Variants in PTPRD observed in about 807,000 individuals in gnomAD.
PTPRD encodes the protein protein tyrosine phosphatase receptor type D, also known as receptor-type tyrosine-protein phosphatase delta.
In PTPRD, 34 loss-of-function variants were observed where a neutral mutation model predicts 214.5. That is an observed-to-expected ratio of 0.16 (90% CI 0.12 to 0.21). PTPRD has a LOEUF of 0.21. PTPRD is among the 10% of genes least tolerant of loss of function. The pLI, the probability that PTPRD is intolerant of heterozygous loss-of-function variation, is 1.00. For synonymous variants in PTPRD, 1,128 were observed against 845.7 expected, an observed-to-expected ratio of 1.33 and a Z score of -5.79; for missense variants, 2,545 against 2,398.7, an observed-to-expected ratio of 1.06 and a Z score of -1.27.
At chr9:8,684,890 G>T (rs1301617392) in intron 12 of PTPRD, among the ~76,000 whole-genome samples, 1 of 152,056 alleles carries the variant, frequency 6.6e-6, no homozygotes, top group East Asian at 1.9e-4. Context: ...ATATGCATGT[G>T]CTCAAACAAT....
At chr9:8,328,345 C>T (rs1836143199) in intron 44 of PTPRD, among the ~76,000 whole-genome samples, 1 of 152,024 alleles carries the variant, frequency 6.6e-6, no homozygotes, top group Non-Finnish European at 1.5e-5. Context: ...GAATATTGGC[C>T]CCACTGTCTT....
At chr9:10,483,792 T>C (rs1009392887) in intron 2 of PTPRD, among the ~76,000 whole-genome samples, 5 of 152,142 alleles carry the variant, frequency 3.3e-5, no homozygotes, top group Non-Finnish European at 7.4e-5. Flanking sequence ...TTGGCACGGA[T>C]GTGGTGCAAA....
chr9:10,391,492 AGTTCCTGTCT>A (rs1479834787), intron 2 of PTPRD, among the ~76,000 whole-genome samples: 2 of 151,778 alleles, frequency 1.3e-5, no homozygotes, highest in Admixed American at 1.3e-4. Context: ...GTACTAGGGC[AGTTCCTGTCT>A]GTTAGAAGCT....
intron 11 of PTPRD, among the ~76,000 whole-genome samples, chr9:8,806,897 T>G (rs1195446282): frequency 6.6e-6 from 1 of 152,212 alleles, no homozygotes; most frequent in African/African-American, 2.4e-5. Context: ...CTGATATAAC[T>G]TATTTGATGG....
intron 5 of PTPRD, among the ~76,000 whole-genome samples, chr9:9,814,486 CTAACAAT>C (rs1360100467): frequency 6.6e-6 from 1 of 152,022 alleles, no homozygotes; most frequent in Non-Finnish European, 1.5e-5. Context: ...TTTTTATACA[CTAACAAT>C]TAACTATCTG....
chr9:8,362,366 C>G (rs915193691), intron 39 of PTPRD, among the ~76,000 whole-genome samples: 1 of 152,114 alleles, frequency 6.6e-6, no homozygotes, highest in Non-Finnish European at 1.5e-5. Context: ...ACTATAGTAC[C>G]TCAGAGAAAA....
At chr9:8,419,631 T>C (rs1589931470) in intron 35 of PTPRD, among the ~76,000 whole-genome samples, 1 of 152,082 alleles carries the variant, frequency 6.6e-6, no homozygotes, top group African/African-American at 2.4e-5. Context: ...TCTATATGAT[T>C]CTTTGGCATC....
intron 3 of PTPRD, among the ~76,000 whole-genome samples, chr9:10,068,191 A>G (rs2097918614): frequency 6.6e-6 from 1 of 151,932 alleles, no homozygotes; most frequent in Non-Finnish European, 1.5e-5. Flanking sequence ...AGCATATCAG[A>G]CAAAGAGTAA....
intron 2 of PTPRD, among the ~76,000 whole-genome samples, chr9:10,517,647 T>C (rs1406798989): frequency 6.6e-6 from 1 of 152,064 alleles, no homozygotes; most frequent in Admixed American, 6.5e-5. Flanking sequence ...GTTATAGCTG[T>C]CTATATACAT....
At chr9:9,384,381 T>TTTTTTTTTTG (rs2063252656) in intron 9 of PTPRD, among the ~76,000 whole-genome samples, 1 of 99,696 alleles carries the variant, frequency 1.0e-5, no homozygotes, top group Non-Finnish European at 2.0e-5. Context: ...TTTTTTTTTT[T>TTTTTTTTTTG]TTTCTGGTGG....
chr9:9,848,619 G>A (rs1446723287), intron 5 of PTPRD, among the ~76,000 whole-genome samples: 1 of 152,000 alleles, frequency 6.6e-6, no homozygotes, highest in East Asian at 1.9e-4. Context: ...AGAAAGCTGT[G>A]CCTTCAATCT....
chr9:8,910,956 A>T (rs72706208), intron 11 of PTPRD, among the ~76,000 whole-genome samples: 15,793 of 152,200 alleles, frequency 0.1, 1,149 homozygotes, highest in East Asian at 0.24. Flanking sequence ...AGAACATATA[A>T]ATTAATGGAG....
At chr9:9,083,484 T>C (rs1413371788) in intron 10 of PTPRD, among the ~76,000 whole-genome samples, 1 of 152,102 alleles carries the variant, frequency 6.6e-6, no homozygotes, top group Admixed American at 6.6e-5. Context: ...ATTCAGGACA[T>C]AGGCATGGGC....
intron 5 of PTPRD, among the ~76,000 whole-genome samples, chr9:9,924,536 C>A (rs962680429): frequency 2.0e-5 from 3 of 152,040 alleles, no homozygotes. Context: ...CAATACAGCA[C>A]ACTGATGACA....
At chr9:9,691,636 T>C (rs1193255933) in intron 7 of PTPRD, among the ~76,000 whole-genome samples, 1 of 152,122 alleles carries the variant, frequency 6.6e-6, no homozygotes, top group African/African-American at 2.4e-5. Flanking sequence ...TTTGGGTTTA[T>C]ACTCAGCTTT....
chr9:10,344,639 G>A (rs956865829), intron 2 of PTPRD, among the ~76,000 whole-genome samples: 12 of 152,040 alleles, frequency 7.9e-5, no homozygotes, highest in South Asian at 2.1e-4. Context: ...CCATTTTCAC[G>A]ATATTGATTC....
At chr9:10,189,447 C>T (rs937628368) in intron 3 of PTPRD, among the ~76,000 whole-genome samples, 1 of 152,124 alleles carries the variant, frequency 6.6e-6, no homozygotes, top group African/African-American at 2.4e-5. Context: ...AAAGGCCCAA[C>T]CTTATCATCT....
chr9:9,076,636 C>T lies in PTPRD; in HGVS notation c.-142-57901G>A, dbSNP rs539055608. The stretch of plus-strand genomic sequence containing the variant: ...TTGTTGCAAATGACAGGATCTCATT[C>T]TTTTTCATAGCTGAATAGTACTCCA... On this transcript the variant is annotated intron_variant, in intron 10 of 45. Transcript: ENST00000381196. 2.0e-5 allele frequency among the ~76,000 whole-genome samples: 3 copies of T among 152,108 alleles called. No individual in the cohort carries two copies. In the South Asian group the frequency reaches 6.2e-4, roughly 32 times the overall value.
intron 4 of PTPRD, among the ~76,000 whole-genome samples, chr9:9,986,698 A>G (rs2095722244): frequency 2.0e-5 from 3 of 152,150 alleles, no homozygotes. Flanking sequence ...CAACTGGGTT[A>G]ACACATTTAC....
Sources: allele counts gnomAD v4.1 joint callset (sites outside exome capture counted in the v4.1 genomes callset), GRCh38; gene constraint gnomAD v4.1.1; transcripts MANE v1.5; gene names NCBI Gene and HGNC (gene_info 2026-07-23, HGNC 2026-07-21).